Variants in ITPR1 observed in about 807,000 individuals in gnomAD.
ITPR1 encodes inositol 1,4,5-trisphosphate-gated calcium channel ITPR1.
A neutral mutation model predicts 318.4 loss-of-function variants in ITPR1; 96 were observed. The observed-to-expected ratio is 0.30, with a 90% CI of 0.26 to 0.36. The LOEUF (loss-of-function observed/expected upper bound fraction) is 0.36. Ranked by LOEUF, ITPR1 falls within the 10% of genes least tolerant of loss-of-function variation. The pLI is 1.00. For missense variants in ITPR1, 2,440 were observed against 3,460.2 expected, an observed-to-expected ratio of 0.71 and a Z score of 7.40; for synonymous variants, 1,312 against 1,289.9, an observed-to-expected ratio of 1.02 and a Z score of -0.37.
chr3:4,696,674 T>A (rs759674166), intron 33 of ITPR1, among the ~76,000 whole-genome samples: 3 of 13,850 alleles, frequency 2.2e-4, no homozygotes, highest in Admixed American at 1.2e-3. Context: ...TTGCCGTGTG[T>A]TTTTTTTTTT....
intron 2 of ITPR1, among the ~76,000 whole-genome samples, chr3:4,503,959 G>A (rs897359516): frequency 2.6e-5 from 4 of 151,970 alleles, no homozygotes; most frequent in African/African-American, 7.3e-5. Flanking sequence ...ACTGGCCTTG[G>A]TATCTGGAGC....
At chr3:4,805,383 C>G (rs1227824966) in intron 54 of ITPR1, among the ~76,000 whole-genome samples, 4 of 152,214 alleles carry the variant, frequency 2.6e-5, no homozygotes, top group Admixed American at 2.0e-4. Flanking sequence ...CAGTGGACAT[C>G]ATTGGCTCCA....
rs2041362536 is a variant in ITPR1, at chr3:4,711,455, T to TAA, written c.4992-300_4992-299dup. The TAA allele has an allele frequency of 1.2e-5, 3 of 260,286 alleles. No individual in the cohort carries two copies. The Admixed American group carries it at 1.5e-4, about 13-fold the overall frequency. 16.1% of individuals were successfully genotyped at this position (260,286 alleles called of 1,614,324 possible). On this transcript the variant is annotated intron_variant, in intron 38 of 61. Coordinates refer to ENST00000649015, the MANE Select transcript of ITPR1 (RefSeq NM_001378452.1). ...TCAGTGGATAAATAGCCACGCTTTA[T>TAA]AAACGAGCAGGTCTGAGTGGACCTC...
At chr3:4,629,777 G>A (rs2092956144) in intron 5 of ITPR1, among the ~76,000 whole-genome samples, 1 of 152,206 alleles carries the variant, frequency 6.6e-6, no homozygotes, top group South Asian at 2.1e-4. Flanking sequence ...GGTCTTTGCT[G>A]GATAAGAGGG....
Position 4,581,277 on chromosome 3 carries a change from C to T in ITPR1, c.164-46486C>T, listed in dbSNP as rs952879152. Among the ~76,000 whole-genome samples the T allele has an allele frequency of 5.9e-5, 9 of 152,280 alleles. 1 individual carries two copies. Among genetic ancestry groups the T allele is most frequent in the Admixed American group, 6.5e-5 (1 of 15,298 alleles). On this transcript the variant is annotated intron_variant, in intron 4 of 61. Coordinates refer to ENST00000649015, the MANE Select transcript of ITPR1 (RefSeq NM_001378452.1). ...ACAGAGAGGCCCATGTGAGTCTTGTCCTCTTCAGAAGGCGGTCTGCATGAT... is the reference window on the plus strand; with the variant it reads ...ACAGAGAGGCCCATGTGAGTCTTGTTCTCTTCAGAAGGCGGTCTGCATGAT...
intron 40 of ITPR1, among the ~76,000 whole-genome samples, chr3:4,722,548 T>G (rs2042236986): frequency 6.6e-6 from 1 of 152,238 alleles, no homozygotes; most frequent in Non-Finnish European, 1.5e-5. Context: ...TATTATACAT[T>G]GTATTTATAC....
At chr3:4,557,486 A>G (rs2086247178) in intron 4 of ITPR1, among the ~76,000 whole-genome samples, 1 of 151,780 alleles carries the variant, frequency 6.6e-6, no homozygotes, top group Non-Finnish European at 1.5e-5. Flanking sequence ...GTCATTCACC[A>G]CCCCCCACTT....
intron 44 of ITPR1, among the ~76,000 whole-genome samples, chr3:4,744,013 T>C (rs1014313272): frequency 5.9e-5 from 9 of 152,164 alleles, no homozygotes; most frequent in Admixed American, 2.6e-4. Context: ...TTTTTGTATT[T>C]TTAGTAGAGA....
At chr3:4,757,108 G>A (rs2045058194) in intron 44 of ITPR1, among the ~76,000 whole-genome samples, 1 of 152,160 alleles carries the variant, frequency 6.6e-6, no homozygotes, top group Non-Finnish European at 1.5e-5. Flanking sequence ...GGATAGCAAG[G>A]AGCCAAGGCC....
At chr3:4,802,170 T>G (rs2048274721) in intron 54 of ITPR1, among the ~76,000 whole-genome samples, 1 of 152,204 alleles carries the variant, frequency 6.6e-6, no homozygotes, top group Admixed American at 6.5e-5. Flanking sequence ...CTCACAGACT[T>G]TAATGTACTA....
intron 46 of ITPR1, among the ~76,000 whole-genome samples, chr3:4,769,490 T>C (rs763714167): frequency 6.6e-6 from 1 of 152,224 alleles, no homozygotes; most frequent in Non-Finnish European, 1.5e-5. Context: ...TATTTGTTGG[T>C]TGAATGAAGG....
intron 4 of ITPR1, among the ~76,000 whole-genome samples, chr3:4,539,004 G>A (rs1018016472): frequency 3.9e-5 from 6 of 152,094 alleles, no homozygotes; most frequent in African/African-American, 1.4e-4. Flanking sequence ...ACAAACACAT[G>A]CACATCCTGC....
chr3:4,674,865 G>A (rs1454629206), intron 22 of ITPR1, among the ~76,000 whole-genome samples: 1 of 150,550 alleles, frequency 6.6e-6, no homozygotes, highest in Non-Finnish European at 1.5e-5. Flanking sequence ...AGTCATCAGA[G>A]CAGATCAGTA....
rs1239276073 is a variant in ITPR1 at position 4,843,073 on chromosome 3, G to GTT, written c.8191-3066_8191-3065insTT. On this transcript the variant is annotated intron_variant, in intron 61 of 61. Transcript: ENST00000649015. ...GATTTAGTCCTTCAGGGTTTTGAGG[G>GTT]GTTTTTTTTTTTTTTTTTTTTTGGT... Among the ~76,000 whole-genome samples, 193 of 119,954 alleles carry GTT rather than the reference G, an allele frequency of 1.6e-3. No homozygotes were observed. In the South Asian group the frequency reaches 0.018, roughly 11 times the overall value. 78.7% of individuals were successfully genotyped at this position (119,954 alleles called of 152,430 possible). A position where few individuals can be genotyped will look rare whatever the true frequency, so the allele number is the denominator to read the frequency against.
chr3:4,595,359 C>T (rs2090722263), intron 4 of ITPR1, among the ~76,000 whole-genome samples: 1 of 152,082 alleles, frequency 6.6e-6, no homozygotes, highest in African/African-American at 2.4e-5. Context: ...GGTGAGGTGC[C>T]ACACACTTTT....
rs868444079 is a variant in ITPR1, at chr3:4,673,345, C to A, written c.2414C>A (p.Ala805Asp). 6.2e-7 allele frequency: 1 copy of A among 1,611,962 alleles called. No individual in the cohort carries two copies. ...PQEQVTPVKY[A>D]RLWSEIPSEI... ...GAACAAGTCACCCCCGTGAAATATG[C>A]CCGCCTCTGGTCGGAGATTCCCTCG... is the stretch of plus-strand genomic sequence containing the variant. The change falls in exon 21 of 62, where the codon GCC becomes GAC. Residue 805 changes from alanine to aspartate, a missense_variant. Physicochemically the swap from Ala to Asp is moderately radical, Grantham distance 126. This residue lies in a region of ITPR1 where 478 missense variants were observed against 696.3 expected (regional missense o/e 0.69). Coordinates refer to ENST00000649015, the MANE Select transcript of ITPR1 (RefSeq NM_001378452.1).
chr3:4,611,317 T>C (rs937612022), intron 4 of ITPR1, among the ~76,000 whole-genome samples: 6 of 151,060 alleles, frequency 4.0e-5, no homozygotes, highest in African/African-American at 1.5e-4. Flanking sequence ...CCCAGCACTT[T>C]GGGAGGCCAA....
At chr3:4,730,231 C>A (rs12715422) in intron 42 of ITPR1, among the ~76,000 whole-genome samples, 51,956 of 111,792 alleles carry the variant, frequency 0.46, 11,942 homozygotes, top group Non-Finnish European at 0.58. Flanking sequence ...AAAAAAAAAA[C>A]AAAAAAAAAC....
chr3:4,685,099 C>G lies in ITPR1; in HGVS notation c.3595C>G (p.Gln1199Glu), dbSNP rs1559691508. The G allele has an allele frequency of 6.2e-7, 1 of 1,610,960 alleles. No homozygotes were observed. The highest frequency in any genetic ancestry group is 8.5e-7 in the Non-Finnish European group (1 of 1,178,640). ...ILIRLSKLCVQESASVRKSRK... is the reference protein window; with the variant it reads ...ILIRLSKLCVEESASVRKSRK... Reference sequence around the variant, plus strand: ...GATTCGGCTTAGCAAACTCTGTGTTCAAGAGAGTGCCTCAGTGAGAAAGAG... The same window carrying G: ...GATTCGGCTTAGCAAACTCTGTGTTGAAGAGAGTGCCTCAGTGAGAAAGAG... The change falls in exon 30 of 62, where the codon CAA (glutamine) becomes GAA (glutamate). Residue 1199 changes from glutamine (Q) to glutamate (E), a missense_variant. Around this residue, in one of 23 missense-constraint regions of ITPR1, gnomAD observed 86 missense variants for 75.6 expected, o/e 1.14. Transcript: ENST00000649015.
Sources: gnomAD v4.1 joint callset for allele counts (sites outside exome capture counted in the v4.1 genomes callset) on GRCh38, gnomAD v4.1.1 for gene constraint, gnomAD v4.1.1 regional missense constraint, MANE v1.5 for transcripts, NCBI Gene and HGNC (gene_info 2026-07-23, HGNC 2026-07-21) for gene names.